TTC28: variants seen among roughly 807,000 people sequenced by gnomAD.
TTC28 encodes tetratricopeptide repeat protein 28.
A neutral mutation model predicts 198.0 loss-of-function variants in TTC28; 61 were observed. The ratio of observed to expected loss-of-function variants is 0.31; its 90% CI spans 0.25 to 0.38. The LOEUF (loss-of-function observed/expected upper bound fraction) is 0.38, where lower values mean the gene tolerates loss of function less well. Ranked by LOEUF, TTC28 falls within the 10% of genes least tolerant of loss-of-function variation. TTC28 has a pLI of 1.00. For synonymous variants in TTC28, 1,171 were observed against 1,297.8 expected (o/e 0.90, Z 2.10); for missense variants, 2,678 against 3,164.0 (o/e 0.85, Z 3.69).
chr22:28,569,505 T>C (rs1370292807), intron 2 of TTC28, among the ~76,000 whole-genome samples: 4 of 152,210 alleles, frequency 2.6e-5, no homozygotes, highest in African/African-American at 4.8e-5. Flanking sequence ...GCTAGTCATA[T>C]GCAGAAGATT....
chr22:28,205,772 T>C (rs1479152236), intron 5 of TTC28, among the ~76,000 whole-genome samples: 3 of 152,026 alleles, frequency 2.0e-5, no homozygotes, highest in African/African-American at 7.2e-5. Context: ...CCTTTCCCCG[T>C]CCATGAATTC....
At chr22:28,010,345 AC>A (rs1391400423) in intron 14 of TTC28, among the ~76,000 whole-genome samples, 1 of 152,174 alleles carries the variant, frequency 6.6e-6, no homozygotes, top group African/African-American at 2.4e-5. Flanking sequence ...GAAGCCAGCT[AC>A]CACTAATCCT....
chr22:28,454,693 A>G (rs547810290), intron 2 of TTC28, among the ~76,000 whole-genome samples: 1 of 152,374 alleles, frequency 6.6e-6, no homozygotes, highest in South Asian at 2.1e-4. Flanking sequence ...TGTATAATCC[A>G]AAGATGGGTA....
At chr22:28,175,730 T>C (rs1923105014) in intron 5 of TTC28, among the ~76,000 whole-genome samples, 1 of 151,508 alleles carries the variant, frequency 6.6e-6, no homozygotes, top group Non-Finnish European at 1.5e-5. Flanking sequence ...CAAAACTCTG[T>C]CTCAAAAAAA....
chr22:28,340,941 C>T (rs1274064573), intron 2 of TTC28, among the ~76,000 whole-genome samples: 4 of 152,144 alleles, frequency 2.6e-5, no homozygotes, highest in African/African-American at 9.7e-5. Flanking sequence ...TGCTCAGATG[C>T]CTTTTTCCAG....
Position 27,982,643 on chromosome 22 carries a change from T to C in TTC28, c.7024A>G (p.Ile2342Val). The C allele has an allele frequency of 6.4e-7, 1 of 1,551,688 alleles. No individual in the cohort carries two copies. The highest frequency in any genetic ancestry group is 1.2e-5 in the South Asian group (1 of 84,062). Residue 2342 changes from isoleucine (I) to valine (V), a missense_variant, in exon 23 of 23, where the codon ATA becomes GTA. Ile to Val is a conservative substitution (Grantham distance 29, BLOSUM62 3). Around this residue, in one of 8 missense-constraint regions of TTC28, gnomAD observed 622 missense variants for 656.0 expected, o/e 0.95. Transcript: ENST00000397906. This position sits in a 1 kb window ranked among gnomAD's most constrained non-coding sequence, Gnocchi z 5.2. Reference sequence around the variant, plus strand: ...ATGGCTGCCATTTTCAGTTTGTCTATGTCGGGAGCGTCTGCTGGACTTGAG... The same window carrying C: ...ATGGCTGCCATTTTCAGTTTGTCTACGTCGGGAGCGTCTGCTGGACTTGAG... ...ARSSPADAPD[I>V]DKLKMAAIDE...
At chr22:28,602,425 T>C (rs1038136032) in intron 2 of TTC28, among the ~76,000 whole-genome samples, 4 of 152,208 alleles carry the variant, frequency 2.6e-5, no homozygotes, top group Non-Finnish European at 4.4e-5. Flanking sequence ...GTATCAATGA[T>C]AATGTTCTAA....
At chr22:28,650,656 T>C (rs540596982) in intron 1 of TTC28, among the ~76,000 whole-genome samples, 1 of 152,328 alleles carries the variant, frequency 6.6e-6, no homozygotes, top group East Asian at 1.9e-4. Flanking sequence ...AATATAACTA[T>C]TTTCAGCATC....
chr22:28,621,742 T>TAAA (rs771463983), intron 2 of TTC28, among the ~76,000 whole-genome samples: 4 of 76,130 alleles, frequency 5.3e-5, no homozygotes, highest in Admixed American at 1.6e-4. Context: ...GACTGTCTCT[T>TAAA]AAAAAAAAAA....
chr22:28,087,866 T>C (rs374806500), intron 12 of TTC28, among the ~76,000 whole-genome samples: 2 of 152,018 alleles, frequency 1.3e-5, no homozygotes. Flanking sequence ...TATACACCAA[T>C]AACAGACAAA....
intron 2 of TTC28, among the ~76,000 whole-genome samples, chr22:28,325,036 GT>G (rs1158625662): frequency 6.7e-6 from 1 of 148,780 alleles, no homozygotes; most frequent in African/African-American, 2.5e-5. Flanking sequence ...AATTGGAATC[GT>G]TTCACAAGGA....
chr22:28,085,348 G>A (rs1397179934), intron 12 of TTC28, among the ~76,000 whole-genome samples: 1 of 152,214 alleles, frequency 6.6e-6, no homozygotes, highest in East Asian at 1.9e-4. Flanking sequence ...GAGAGTGGGG[G>A]CCAATATTCA....
rs75173815 is a variant in TTC28 at position 27,998,997 on chromosome 22, C to G, written c.4662G>C (p.Ser1554=). The part of the protein sequence containing the change: ...HFATHISWKL[S]ALVLTPSMDG... The stretch of plus-strand genomic sequence containing the variant: ...CCATGCTGGGCGTGAGGACCAAGGC[C>G]GACAGCTTCCAGGAGATGTGGGTGG... Residue 1554 remains serine (S), a synonymous_variant, in exon 16 of 23, where the codon TCG becomes TCC. Transcript: ENST00000397906. The G allele has an allele frequency of 1.3e-6, 2 of 1,550,534 alleles. No individual in the cohort carries two copies. The highest frequency in any genetic ancestry group is 3.9e-5 in the Admixed American group (2 of 51,006).
intron 5 of TTC28, among the ~76,000 whole-genome samples, chr22:28,174,608 G>T (rs1448815342): frequency 1.3e-5 from 2 of 152,166 alleles, no homozygotes; most frequent in African/African-American, 4.8e-5. Flanking sequence ...AGTTACTTGG[G>T]TGGCTGAGGC....
At chr22:28,281,906 C>T (rs927046127) in intron 5 of TTC28, among the ~76,000 whole-genome samples, 2 of 152,156 alleles carry the variant, frequency 1.3e-5, no homozygotes, top group Non-Finnish European at 2.9e-5. Context: ...TGGGGCTCCC[C>T]TACATGGCTC....
chr22:28,363,506 ACACAGAGTCC>A (rs2046192118), intron 2 of TTC28, among the ~76,000 whole-genome samples: 1 of 152,212 alleles, frequency 6.6e-6, no homozygotes, highest in Non-Finnish European at 1.5e-5. Context: ...CGAAGCCCCC[ACACAGAGTCC>A]CTACTGGGGC....
chr22:28,168,577 T>G (rs1601419461), intron 5 of TTC28, among the ~76,000 whole-genome samples: 1 of 152,072 alleles, frequency 6.6e-6, no homozygotes, highest in East Asian at 1.9e-4. Context: ...GGGGAAAGGA[T>G]TCCCTATTTA....
At chr22:28,406,919 A>C (rs1424451738) in intron 2 of TTC28, among the ~76,000 whole-genome samples, 2 of 152,220 alleles carry the variant, frequency 1.3e-5, no homozygotes, top group African/African-American at 2.4e-5. Flanking sequence ...ATTTACAAAA[A>C]ACTTTACTGG....
At chr22:27,998,223 C>T in intron 16 of TTC28, 1 of 418,216 alleles carries the variant, frequency 2.4e-6, no homozygotes, top group East Asian at 4.3e-5. Flanking sequence ...CTACCACACA[C>T]TCCTTTCTAC....
Sources: gnomAD v4.1 joint callset for allele counts (sites outside exome capture counted in the v4.1 genomes callset) on GRCh38, gnomAD v4.1.1 for gene constraint, gnomAD v4.1.1 regional missense constraint, Gnocchi (gnomAD v3.1) non-coding constraint, MANE v1.5 for transcripts, NCBI Gene and HGNC (gene_info 2026-07-23, HGNC 2026-07-21) for gene names.